Variants in MSRA observed in about 807,000 individuals in gnomAD.
The protein encoded by MSRA is methionine sulfoxide reductase A.
MSRA carries 54 observed loss-of-function variants against 31.3 expected under a neutral mutation model. The ratio of observed to expected loss-of-function variants is 1.73; its 90% CI spans 1.39 to 2.17. The LOEUF is 2.17. MSRA is among the 30% of genes most tolerant of loss of function. The pLI is 0.00. For synonymous variants in MSRA, 169 were observed against 116.5 expected (o/e 1.45, Z -2.90); for missense variants, 507 against 300.9 (o/e 1.69, Z -5.07).
chr8:10,427,667 G>A (rs1809266857), intron 5 of MSRA, among the ~76,000 whole-genome samples: 2 of 152,180 alleles, frequency 1.3e-5, no homozygotes, highest in Non-Finnish European at 2.9e-5. Flanking sequence ...GATAGTGCCA[G>A]GTAGAGCTGC....
At chr8:10,338,783 T>C (rs950428350) in intron 5 of MSRA, among the ~76,000 whole-genome samples, 2 of 152,206 alleles carry the variant, frequency 1.3e-5, no homozygotes, top group African/African-American at 2.4e-5. Flanking sequence ...CTTTGGTGAT[T>C]CATACAACTT....
chr8:10,353,664 A>T lies in MSRA; in HGVS notation c.543+33675A>T, dbSNP rs138613381. ...GAAGAGAACACAGACTGGGCTGCAG[A>T]CGGAGGGAAGATGAGTATAGGGACT... On this transcript the variant is annotated intron_variant, in intron 5 of 5. Transcript: ENST00000317173. The T allele has an allele frequency of 1.0e-4, 46 of 456,256 alleles. 1 individual carries two copies. In the East Asian group the frequency reaches 3.2e-3, roughly 32 times the overall value. 28.3% of individuals were successfully genotyped at this position (456,256 alleles called of 1,614,324 possible).
intron 1 of MSRA, among the ~76,000 whole-genome samples, chr8:10,087,377 C>G (rs538041467): frequency 4.6e-5 from 7 of 152,320 alleles, no homozygotes; most frequent in South Asian, 2.1e-4. Context: ...GTCCTGAGCT[C>G]CATGATGGCA....
chr8:10,328,510 C>T lies in MSRA; in HGVS notation c.543+8521C>T, dbSNP rs538412843. 1.4e-4 allele frequency among the ~76,000 whole-genome samples: 21 copies of T among 152,126 alleles called. No homozygotes were observed. The South Asian group carries it at 4.0e-3, about 29-fold the overall frequency. On this transcript the variant is annotated intron_variant, in intron 5 of 5. Coordinates refer to ENST00000317173, the MANE Select transcript of MSRA (RefSeq NM_012331.5). ...CTTCTTACCTCTCCATGATTATGACCACCCGCACAGGCAGCAGAGTGATAT... is the reference window on the plus strand; with the variant it reads ...CTTCTTACCTCTCCATGATTATGACTACCCGCACAGGCAGCAGAGTGATAT...
At chr8:10,135,416 AAG>A (rs1166626285) in intron 1 of MSRA, among the ~76,000 whole-genome samples, 1 of 152,196 alleles carries the variant, frequency 6.6e-6, no homozygotes, top group Non-Finnish European at 1.5e-5. Context: ...TGTTTTATAT[AAG>A]AGAGGAAGAA....
chr8:10,125,740 G>C (rs893602045), intron 1 of MSRA, among the ~76,000 whole-genome samples: 1 of 152,168 alleles, frequency 6.6e-6, no homozygotes, highest in African/African-American at 2.4e-5. Context: ...AATGGAATTG[G>C]TCCACAAAGG....
At chr8:10,426,366 A>G (rs1809164937) in intron 5 of MSRA, among the ~76,000 whole-genome samples, 1 of 152,188 alleles carries the variant, frequency 6.6e-6, no homozygotes, top group Non-Finnish European at 1.5e-5. Flanking sequence ...GGTCAGGGAA[A>G]AGCACCCCAA....
intron 3 of MSRA, among the ~76,000 whole-genome samples, chr8:10,289,082 C>T (rs536878424): frequency 1.3e-5 from 2 of 151,736 alleles, no homozygotes; most frequent in African/African-American, 4.8e-5. Context: ...GTGGCATGAT[C>T]TCGGCTCACT....
At chr8:10,284,560 G>A (rs963443030) in intron 3 of MSRA, among the ~76,000 whole-genome samples, 1 of 152,152 alleles carries the variant, frequency 6.6e-6, no homozygotes, top group Admixed American at 6.6e-5. Context: ...ATAAATGTAC[G>A]TTATTGTGCC....
chr8:10,283,719 A>T (rs544989515), intron 3 of MSRA, among the ~76,000 whole-genome samples: 18 of 147,860 alleles, frequency 1.2e-4, no homozygotes, highest in African/African-American at 2.8e-4. Flanking sequence ...GAGTTACTCC[A>T]CTTAGAATAA....
At chr8:10,214,196 G>C (rs1054501404) in intron 2 of MSRA, among the ~76,000 whole-genome samples, 1 of 152,154 alleles carries the variant, frequency 6.6e-6, no homozygotes, top group African/African-American at 2.4e-5. Flanking sequence ...CTAAGGTGCC[G>C]AGTGTTCGCG....
chr8:10,224,789 C>A (rs1323811138), intron 2 of MSRA, among the ~76,000 whole-genome samples: 1 of 152,192 alleles, frequency 6.6e-6, no homozygotes, highest in Admixed American at 6.5e-5. Flanking sequence ...TCCTGCACTC[C>A]TTAGTCTGAC....
At chr8:10,094,496 T>A (rs778226828) in intron 1 of MSRA, among the ~76,000 whole-genome samples, 1 of 152,208 alleles carries the variant, frequency 6.6e-6, no homozygotes, top group Non-Finnish European at 1.5e-5. Context: ...AAGCAAAGAA[T>A]AGGAAGTCAC....
intron 1 of MSRA, among the ~76,000 whole-genome samples, chr8:10,108,905 C>T (rs1224919188): frequency 1.3e-5 from 2 of 152,282 alleles, no homozygotes; most frequent in Admixed American, 6.5e-5. Context: ...GCCCTCCCAC[C>T]TCAGCTGCCA....
At chr8:10,210,563 G>A (rs17749155) in intron 2 of MSRA, among the ~76,000 whole-genome samples, 25,021 of 152,086 alleles carry the variant, frequency 0.16, 2,105 homozygotes, top group South Asian at 0.24. Context: ...CGGCTATCAT[G>A]CTTTTCCATT....
At chr8:10,363,738 C>CCACACACACACACACAAT (rs1804992394) in intron 5 of MSRA, among the ~76,000 whole-genome samples, 1 of 103,288 alleles carries the variant, frequency 9.7e-6, no homozygotes, top group Non-Finnish European at 1.9e-5. Context: ...GATGCAGTCA[C>CCACACACACACACACAAT]CACACACACA....
At chr8:10,153,081 T>C (rs1187489496) in intron 1 of MSRA, among the ~76,000 whole-genome samples, 5 of 152,200 alleles carry the variant, frequency 3.3e-5, no homozygotes, top group Non-Finnish European at 4.4e-5. Flanking sequence ...TGGAGATTGA[T>C]CGTACATCAG....
intron 5 of MSRA, among the ~76,000 whole-genome samples, chr8:10,360,350 T>A (rs538307181): frequency 6.6e-6 from 1 of 152,314 alleles, no homozygotes; most frequent in South Asian, 2.1e-4. Flanking sequence ...AAACATGCCT[T>A]GTGGTTGTTG....
At chr8:10,098,712 G>A (rs1799337181) in intron 1 of MSRA, among the ~76,000 whole-genome samples, 1 of 152,170 alleles carries the variant, frequency 6.6e-6, no homozygotes, top group Non-Finnish European at 1.5e-5. Context: ...TAAGAATCTT[G>A]TTTTATGACT....
Sources: allele counts gnomAD v4.1 joint callset (sites outside exome capture counted in the v4.1 genomes callset), GRCh38; gene constraint gnomAD v4.1.1; transcripts MANE v1.5; gene names NCBI Gene and HGNC (gene_info 2026-07-23, HGNC 2026-07-21).